YWHAE: variants seen among roughly 807,000 people sequenced by gnomAD.
The protein encoded by YWHAE is tyrosine 3-monooxygenase/tryptophan 5-monooxygenase activation protein epsilon.
A neutral mutation model predicts 30.1 loss-of-function variants in YWHAE; 4 were observed. The observed-to-expected ratio is 0.13, with a 90% CI of 0.07 to 0.30. The LOEUF is 0.30. YWHAE is among the 10% of genes least tolerant of loss of function. The probability of loss-of-function intolerance (pLI) is 1.00; values close to 1 mark genes in which losing one functional copy is unlikely to be tolerated. For missense variants in YWHAE, 121 were observed against 315.9 expected, an observed-to-expected ratio of 0.38 and a Z score of 4.68; for synonymous variants, 118 against 111.8, an observed-to-expected ratio of 1.06 and a Z score of -0.35.
At chr17:1,359,661 C>T (rs904905006) in intron 4 of YWHAE, among the ~76,000 whole-genome samples, 13 of 151,330 alleles carry the variant, frequency 8.6e-5, no homozygotes, top group Admixed American at 2.0e-4. Context: ...ATAGTGACAA[C>T]GTAAAATAAA....
Position 1,400,032 on chromosome 17 carries a change from G to GC in YWHAE, c.64+14dup, listed in dbSNP as rs761494265. On this transcript the variant is annotated intron_variant, in intron 1 of 5. Transcript: ENST00000264335. The stretch of plus-strand genomic sequence containing the variant: ...GGTCCGAGAATTCCAGCCCCCCGTT[G>GC]CCCCCCCAACTCACCGTCGTATCGC... 5.8e-5 allele frequency: 94 copies of GC among 1,607,144 alleles called. No individual in the cohort carries two copies. The highest frequency in any genetic ancestry group is 3.6e-4 in the African/African-American group (27 of 74,566).
chr17:1,362,554 T>C (rs1211568193), intron 2 of YWHAE, among the ~76,000 whole-genome samples: 1 of 152,012 alleles, frequency 6.6e-6, no homozygotes, highest in Non-Finnish European at 1.5e-5. Flanking sequence ...GTGGCAGAGA[T>C]CCGTAACTAT....
At chr17:1,383,335 A>C (rs1339097507) in intron 1 of YWHAE, among the ~76,000 whole-genome samples, 1 of 151,578 alleles carries the variant, frequency 6.6e-6, no homozygotes, top group African/African-American at 2.4e-5. Context: ...GGGCAACAAG[A>C]GCGAAACTCC....
chr17:1,362,775 C>A (rs2072883759), intron 2 of YWHAE, among the ~76,000 whole-genome samples: 1 of 152,012 alleles, frequency 6.6e-6, no homozygotes, highest in African/African-American at 2.4e-5. Flanking sequence ...CTCTCTTTTT[C>A]TTCTATAATC....
At chr17:1,398,612 G>A (rs905505164) in intron 1 of YWHAE, among the ~76,000 whole-genome samples, 1 of 152,102 alleles carries the variant, frequency 6.6e-6, no homozygotes, top group East Asian at 1.9e-4. Flanking sequence ...TTCCAACCAT[G>A]TCTCACCCCA....
At position 1,367,044 on chromosome 17, in the gene YWHAE, T is replaced by TA. The variant is rs371655390; in HGVS notation, c.65-1987dup. On this transcript the variant is annotated intron_variant, in intron 1 of 5. Transcript: ENST00000264335. ...TCAAAAATTAATCCTTTCGGGAATA[T>TA]AAAAAAAATTAAGCCATATTTTGTA... Among the ~76,000 whole-genome samples, 477 of 152,020 alleles carry TA rather than the reference T, an allele frequency of 3.1e-3. 1 individual carries two copies. Among genetic ancestry groups the TA allele is most frequent in the African/African-American group, 0.011 (447 of 41,474 alleles).
intron 1 of YWHAE, among the ~76,000 whole-genome samples, chr17:1,396,830 C>T (rs967376434): frequency 4.6e-5 from 7 of 152,040 alleles, no homozygotes; most frequent in African/African-American, 1.7e-4. Flanking sequence ...CCATGTTGGT[C>T]AGGCTGGTCT....
rs2072491812 is a variant in YWHAE at position 1,344,971 on chromosome 17, A to G, written c.*476T>C. ...TCCCCAAACCACCTTTAACCATCTCAAGCTAACACCCAATTACTTGCAAAC... is the reference window on the plus strand; with the variant it reads ...TCCCCAAACCACCTTTAACCATCTCGAGCTAACACCCAATTACTTGCAAAC... On this transcript the variant is annotated 3_prime_UTR_variant, in exon 6 of 6. Transcript: ENST00000264335. The G allele has an allele frequency of 4.3e-6, 1 of 235,152 alleles. No individual in the cohort carries two copies. 14.6% of individuals were successfully genotyped at this position (235,152 alleles called of 1,614,324 possible).
chr17:1,387,606 T>C (rs2073318131), intron 1 of YWHAE, among the ~76,000 whole-genome samples: 1 of 151,970 alleles, frequency 6.6e-6, no homozygotes, highest in Admixed American at 6.6e-5. Flanking sequence ...GTTGAGAGTG[T>C]TAAGCATTTC....
At chr17:1,384,974 G>A (rs772276787) in intron 1 of YWHAE, among the ~76,000 whole-genome samples, 15 of 151,796 alleles carry the variant, frequency 9.9e-5, no homozygotes, top group South Asian at 6.2e-4. Flanking sequence ...GCCTCCCAAA[G>A]AAATTTTTTT....
intron 2 of YWHAE, among the ~76,000 whole-genome samples, chr17:1,364,293 C>A (rs1481068669): frequency 6.6e-6 from 1 of 151,222 alleles, no homozygotes; most frequent in Non-Finnish European, 1.5e-5. Context: ...GCAGTGCGAT[C>A]TCGGCTCACC....
chr17:1,372,263 AGTTAGAGG>A (rs1307700658), intron 1 of YWHAE, among the ~76,000 whole-genome samples: 1 of 152,170 alleles, frequency 6.6e-6, no homozygotes, highest in East Asian at 1.9e-4. Flanking sequence ...ATTTGAAGAG[AGTTAGAGG>A]GTTGGTCTGA....
intron 4 of YWHAE, 32 bp downstream of exon 4, chr17:1,361,060 G>A (rs753387343): frequency 5.8e-5 from 92 of 1,598,716 alleles, no homozygotes; most frequent in South Asian, 1.3e-4. Flanking sequence ...TAACTTTCAC[G>A]CTGAGCGCTG....
intron 5 of YWHAE, among the ~76,000 whole-genome samples, chr17:1,346,859 C>A (rs2072527630): frequency 6.6e-6 from 1 of 151,432 alleles, no homozygotes. Flanking sequence ...GGCGTGGTGG[C>A]ACATGCCTGT....
chr17:1,362,754 T>C (rs2072883522), intron 2 of YWHAE, among the ~76,000 whole-genome samples: 1 of 152,084 alleles, frequency 6.6e-6, no homozygotes, highest in Non-Finnish European at 1.5e-5. Context: ...TCCGTTTCAC[T>C]GCAGAAAATT....
At chr17:1,370,271 C>A (rs922012910) in intron 1 of YWHAE, among the ~76,000 whole-genome samples, 2 of 148,916 alleles carry the variant, frequency 1.3e-5, no homozygotes, top group African/African-American at 2.5e-5. Flanking sequence ...GGACCACAGG[C>A]GCCCGTCACC....
intron 1 of YWHAE, among the ~76,000 whole-genome samples, chr17:1,397,498 G>T (rs879604750): frequency 6.6e-6 from 1 of 152,060 alleles, no homozygotes; most frequent in Non-Finnish European, 1.5e-5. Context: ...ATTAAATGAG[G>T]ATACAAAGAA....
chr17:1,382,308 A>G (rs1205681341), intron 1 of YWHAE, among the ~76,000 whole-genome samples: 1 of 149,350 alleles, frequency 6.7e-6, no homozygotes, highest in South Asian at 2.1e-4. Context: ...TCGGCCTCCC[A>G]AAGTGCTGGG....
At chr17:1,384,417 C>A (rs550720671) in intron 1 of YWHAE, among the ~76,000 whole-genome samples, 2 of 151,468 alleles carry the variant, frequency 1.3e-5, no homozygotes, top group African/African-American at 2.4e-5. Flanking sequence ...CTCGACCGGG[C>A]GCGGTGGCTC....
Sources: gnomAD v4.1 joint callset for allele counts (sites outside exome capture counted in the v4.1 genomes callset) on GRCh38, gnomAD v4.1.1 for gene constraint, MANE v1.5 for transcripts, NCBI Gene and HGNC (gene_info 2026-07-23, HGNC 2026-07-21) for gene names.